The following IKZF5 variants were observed in gnomAD, a reference collection of about 807,000 sequenced individuals.
IKZF5 encodes the protein zinc finger protein Pegasus.
In IKZF5, 4 loss-of-function variants were observed where a neutral mutation model predicts 30.7. That is an observed-to-expected ratio of 0.13 (90% confidence interval 0.06 to 0.30). The LOEUF is 0.30. IKZF5 is among the 10% of genes least tolerant of loss of function. The pLI is 1.00. For missense variants in IKZF5, 348 were observed against 525.5 expected (o/e 0.66, Z 3.30); for synonymous variants, 148 against 179.6 (o/e 0.82, Z 1.41).
intron 2 of IKZF5, among the ~76,000 whole-genome samples, chr10:123,002,049 C>A (rs2133410035): frequency 6.6e-6 from 1 of 152,306 alleles, no homozygotes; most frequent in African/African-American, 2.4e-5. Flanking sequence ...TCAGACTGAT[C>A]TATCTTATTT....
At chr10:122,999,429 T>C (rs981400485) in intron 2 of IKZF5, among the ~76,000 whole-genome samples, 2 of 152,186 alleles carry the variant, frequency 1.3e-5, no homozygotes, top group African/African-American at 4.8e-5. Flanking sequence ...GTTGCAAAGT[T>C]TTTATGAAGG....
chr10:122,994,156 G>A lies in IKZF5; in HGVS notation c.884C>T (p.Ala295Val), dbSNP rs1849269716. The part of the protein sequence containing the change: ...PFMIQQPSTQ[A>V]VVSAVSASIP... ...ACTTGCTGATACGGCAGAAACTACTGCTTGGGTAGAGGGCTGCTGAATCAT... is the reference window on the plus strand; with the variant it reads ...ACTTGCTGATACGGCAGAAACTACTACTTGGGTAGAGGGCTGCTGAATCAT... Residue 295 changes from alanine to valine, a missense_variant, in exon 5 of 5, where the codon GCA becomes GTA. Coordinates refer to ENST00000368886, the MANE Select transcript of IKZF5 (RefSeq NM_001372123.1). The surrounding 1 kb of genome is among the most constrained non-coding windows in gnomAD (Gnocchi z 5.6). The A allele has an allele frequency of 6.2e-7, 1 of 1,614,160 alleles. No individual in the cohort carries two copies. Among genetic ancestry groups the A allele is most frequent in the Admixed American group, 1.7e-5 (1 of 60,032 alleles).
intron 2 of IKZF5, among the ~76,000 whole-genome samples, chr10:122,999,528 T>C (rs541600215): frequency 2.0e-5 from 3 of 152,276 alleles, no homozygotes; most frequent in South Asian, 2.1e-4. Context: ...CCACAGACAA[T>C]AGGCAGCCAC....
At position 122,994,413 on chromosome 10, in the gene IKZF5, T is replaced by C. The variant is rs1849286130; in HGVS notation, c.627A>G (p.Pro209=). 2 of 1,614,144 alleles carry C rather than the reference T, an allele frequency of 1.2e-6. No individual in the cohort carries two copies. The highest frequency in any genetic ancestry group is 1.7e-6 in the Non-Finnish European group (2 of 1,180,040). The change falls in exon 5 of 5, where the codon CCA becomes CCG. Residue 209 remains proline (P), a synonymous_variant. Coordinates refer to ENST00000368886, the MANE Select transcript of IKZF5 (RefSeq NM_001372123.1). The surrounding 1 kb of genome is among the most constrained non-coding windows in gnomAD (Gnocchi z 5.6). The part of the protein sequence containing the change: ...LSPPSMVVQK[P]DYLNDFTHEI... ...CGTGGGTAAAATCGTTAAGGTAGTC[T>C]GGTTTCTGAACCACCATGGAAGGTG...
intron 2 of IKZF5, among the ~76,000 whole-genome samples, chr10:123,002,797 A>T (rs2133414042): frequency 6.6e-6 from 1 of 151,820 alleles, no homozygotes; most frequent in South Asian, 2.1e-4. Flanking sequence ...AAAAAAAAAA[A>T]AAAAAAACCA....
At chr10:123,003,833 T>TTCAAATCACTTTGCAATTTC (rs1205466211) in intron 2 of IKZF5, among the ~76,000 whole-genome samples, 8 of 152,268 alleles carry the variant, frequency 5.3e-5, no homozygotes, top group African/African-American at 1.9e-4. Context: ...TTTGCAATTT[T>TTCAAATCACTTTGCAATTTC]TCAAATCACT....
chr10:123,007,570 GA>G (rs1335652851), intron 1 of IKZF5, among the ~76,000 whole-genome samples: 19 of 152,124 alleles, frequency 1.2e-4, no homozygotes, highest in Admixed American at 1.2e-3. Context: ...CCTAAGTAGG[GA>G]AATGGGAAAG....
At position 122,992,493 on chromosome 10, in the gene IKZF5, G is replaced by A. The variant is rs187345592; in HGVS notation, c.*1287C>T. 6.6e-6 allele frequency: 1 copy of A among 152,248 alleles called. No homozygotes were observed. Among genetic ancestry groups the A allele is most frequent in the East Asian group, 1.9e-4 (1 of 5,180 alleles). The allele number at this position is 152,248 out of a possible 1,614,324, so 9.4% of individuals were successfully genotyped here. ...TTTGACCAAGCTCTCTTCAGAGTAC[G>A]TGAGTTATTACACAATATAAAAACA... On this transcript the variant is annotated 3_prime_UTR_variant, in exon 5 of 5. Coordinates refer to ENST00000368886, the MANE Select transcript of IKZF5 (RefSeq NM_001372123.1).
chr10:123,001,216 C>T (rs1042042077), intron 2 of IKZF5, among the ~76,000 whole-genome samples: 2 of 152,048 alleles, frequency 1.3e-5, no homozygotes, highest in Admixed American at 1.3e-4. Flanking sequence ...CCGTGTTAGC[C>T]AGGATGGTCT....
At chr10:123,008,418 G>A (rs541098654) in intron 1 of IKZF5, among the ~76,000 whole-genome samples, 1 of 152,248 alleles carries the variant, frequency 6.6e-6, no homozygotes, top group Admixed American at 6.5e-5. Context: ...CCCCGCCCCG[G>A]AGCCTCCGAG....
At chr10:122,996,532 A>G (rs1849378797) in intron 3 of IKZF5, among the ~76,000 whole-genome samples, 1 of 151,644 alleles carries the variant, frequency 6.6e-6, no homozygotes, top group Admixed American at 6.6e-5. Context: ...TCTACTTAAA[A>G]AAAAAAAAAA....
chr10:123,003,921 G>C (rs1259513288), intron 2 of IKZF5, among the ~76,000 whole-genome samples: 1 of 152,168 alleles, frequency 6.6e-6, no homozygotes, highest in African/African-American at 2.4e-5. Context: ...GTCTGGCTCA[G>C]CTTTCTGAAT....
At chr10:123,006,298 T>C in intron 2 of IKZF5, among the ~76,000 whole-genome samples, 1 of 152,240 alleles carries the variant, frequency 6.6e-6, no homozygotes, top group East Asian at 1.9e-4. Flanking sequence ...AAAGGATTTA[T>C]TTTGTATGAA....
rs976288424 is a variant in IKZF5 at position 122,996,461 on chromosome 10, G to T, written c.134-285C>A. Among the ~76,000 whole-genome samples the T allele has an allele frequency of 3.3e-5, 5 of 151,920 alleles. No individual in the cohort carries two copies. The East Asian group carries it at 5.8e-4, about 18-fold the overall frequency. ...TCCCAGAACTTTGGGAGGCAGAGGT[G>T]GGGGGATAGCTTGAGGCCAGGAGTT... On this transcript the variant is annotated intron_variant, in intron 3 of 4. Coordinates refer to ENST00000368886, the MANE Select transcript of IKZF5 (RefSeq NM_001372123.1).
rs1564735855 is a variant in IKZF5, at chr10:122,994,481, T to C, written c.559A>G (p.Ser187Gly). Residue 187 changes from serine (S) to glycine (G), a missense_variant, in exon 5 of 5, where the codon AGC becomes GGC. By Grantham distance (56) the Ser-to-Gly change is moderately conservative. Coordinates refer to ENST00000368886, the MANE Select transcript of IKZF5 (RefSeq NM_001372123.1). This position sits in a 1 kb window ranked among gnomAD's most constrained non-coding sequence, Gnocchi z 5.6. ...KMWGVLQKKT[S>G]NLGYSRRALI... ...GCTCTTCTGCTATAGCCCAGATTGCTTGTTTTCTTCTGTAAAACCCCCCAC... is the reference window on the plus strand; with the variant it reads ...GCTCTTCTGCTATAGCCCAGATTGCCTGTTTTCTTCTGTAAAACCCCCCAC... 1.9e-6 allele frequency: 3 copies of C among 1,614,144 alleles called. No homozygotes were observed. The highest frequency in any genetic ancestry group is 2.5e-6 in the Non-Finnish European group (3 of 1,180,004).
At chr10:123,008,030 G>C (rs1238194269) in intron 1 of IKZF5, among the ~76,000 whole-genome samples, 7 of 152,024 alleles carry the variant, frequency 4.6e-5, no homozygotes, top group Non-Finnish European at 8.8e-5. Context: ...TCCAGTCATC[G>C]AGCATGCTAG....
At chr10:122,997,036 C>T (rs1849400150) in intron 3 of IKZF5, 1 of 152,182 alleles carries the variant, frequency 6.6e-6, no homozygotes, top group South Asian at 2.1e-4. Flanking sequence ...CCTGATACCT[C>T]TGAAGGTTAA....
rs932684472 is a variant in IKZF5 at position 122,994,080 on chromosome 10, A to C, written c.960T>G (p.Ser320Arg). The C allele has an allele frequency of 6.2e-7, 1 of 1,614,040 alleles. No individual in the cohort carries two copies. The highest frequency in any genetic ancestry group is 8.5e-7 in the Non-Finnish European group (1 of 1,180,020). ...CTGCCACTGGACTATAGTTCCTTTG[A>C]CTATGGGATGGCCGAGGTTCTGGGC... Reference protein sequence around the residue: ...PTSPEPRPSHSQRNYSPVAGP... With the variant: ...PTSPEPRPSHRQRNYSPVAGP... Residue 320 changes from serine to arginine, a missense_variant, in exon 5 of 5, where the codon AGT becomes AGG. Ser to Arg is a moderately radical substitution (Grantham distance 110). Transcript: ENST00000368886. This position sits in a 1 kb window ranked among gnomAD's most constrained non-coding sequence, Gnocchi z 5.6.
chr10:122,994,339 G>A lies in IKZF5; in HGVS notation c.701C>T (p.Thr234Ile), dbSNP rs1849282025. 6.2e-7 allele frequency: 1 copy of A among 1,613,996 alleles called. No homozygotes were observed. Among genetic ancestry groups the A allele is most frequent in the Non-Finnish European group, 8.5e-7 (1 of 1,180,016 alleles). ...GTCCCTTGGAAGGCCACCAGTTGGT[G>A]TGGTTTTTGCCATACTTTCATAGGA... ...TDSYESMAKT[T>I]PTGGLPRDPQ... The change falls in exon 5 of 5, where the codon ACA becomes ATA. Residue 234 changes from threonine to isoleucine, a missense_variant. Physicochemically the swap from Thr to Ile is moderately conservative, Grantham distance 89. This residue lies in a region of IKZF5 where 176 missense variants were observed against 198.2 expected (regional missense o/e 0.89). Transcript: ENST00000368886. This position sits in a 1 kb window ranked among gnomAD's most constrained non-coding sequence, Gnocchi z 5.6.
Sources: gnomAD v4.1 joint callset for allele counts (sites outside exome capture counted in the v4.1 genomes callset) on GRCh38, gnomAD v4.1.1 for gene constraint, gnomAD v4.1.1 regional missense constraint, Gnocchi (gnomAD v3.1) non-coding constraint, MANE v1.5 for transcripts, NCBI Gene and HGNC (gene_info 2026-07-23, HGNC 2026-07-21) for gene names.